Variants in TPST2 observed in about 807,000 individuals in gnomAD.
TPST2 encodes the protein tyrosylprotein sulfotransferase 2.
In TPST2, 16 loss-of-function variants were observed where a neutral mutation model predicts 27.8. The observed-to-expected ratio is 0.58, with a 90% confidence interval of 0.39 to 0.88. TPST2 has a LOEUF of 0.88. Among genes scored for constraint, TPST2 ranks in the 40% least tolerant of loss-of-function variants. The pLI, the probability that TPST2 is intolerant of heterozygous loss-of-function variation, is 0.00. For synonymous variants in TPST2, 229 were observed against 231.7 expected, an observed-to-expected ratio of 0.99 and a Z score of 0.10; for missense variants, 464 against 543.1, an observed-to-expected ratio of 0.85 and a Z score of 1.45.
intron 1 of TPST2, chr22:26,555,389 TGGACA>T: frequency 2.6e-6 from 1 of 385,618 alleles, no homozygotes. Flanking sequence ...GACCTAAAGT[TGGACA>T]GACCCAGGCG....
At chr22:26,561,511 A>C (rs186146231) in intron 1 of TPST2, among the ~76,000 whole-genome samples, 1 of 152,340 alleles carries the variant, frequency 6.6e-6, no homozygotes, top group Admixed American at 6.5e-5. Context: ...TATACGAAAT[A>C]ATTATTCTGT....
intron 4 of TPST2, among the ~76,000 whole-genome samples, chr22:26,534,944 C>T (rs552564009): frequency 1.3e-5 from 2 of 152,146 alleles, no homozygotes; most frequent in African/African-American, 2.4e-5. Context: ...CTGGTATGTA[C>T]GTTGAATCTC....
chr22:26,568,307 G>A (rs573741054), intron 1 of TPST2, among the ~76,000 whole-genome samples: 9 of 152,178 alleles, frequency 5.9e-5, no homozygotes, highest in Admixed American at 1.3e-4. Flanking sequence ...ACCATAACGC[G>A]TGGTTCTGTC....
intron 1 of TPST2, among the ~76,000 whole-genome samples, chr22:26,562,642 G>A (rs1456681867): frequency 1.9e-5 from 2 of 104,576 alleles, no homozygotes; most frequent in African/African-American, 6.9e-5. Context: ...TTTTTTTTTT[G>A]AGACTGACTC....
In TPST2 at chr22:26,582,788, T is replaced by C. The variant is rs1928166557; in HGVS notation, c.-161+7265A>G. On this transcript the variant is annotated intron_variant, in intron 1 of 6. Transcript: ENST00000338754. ...TGGGCAGATGGGCTTTGAGTCCTGGTGCTGAATCTCAGGCCTGTGTGACCT... is the reference window on the plus strand; with the variant it reads ...TGGGCAGATGGGCTTTGAGTCCTGGCGCTGAATCTCAGGCCTGTGTGACCT... 2.0e-5 allele frequency among the ~76,000 whole-genome samples: 3 copies of C among 152,198 alleles called. No individual in the cohort carries two copies. The South Asian group carries it at 6.2e-4, about 31-fold the overall frequency.
intron 1 of TPST2, among the ~76,000 whole-genome samples, chr22:26,557,317 C>G (rs745333741): frequency 6.6e-6 from 1 of 152,232 alleles, no homozygotes; most frequent in Non-Finnish European, 1.5e-5. Context: ...GCATCTACCC[C>G]AGACCCTTGG....
chr22:26,541,771 C>T lies in TPST2; in HGVS notation c.-88-53G>A. On this transcript the variant is annotated intron_variant, in intron 2 of 6. Coordinates refer to ENST00000338754, the MANE Select transcript of TPST2 (RefSeq NM_003595.5). The surrounding 1 kb of genome is among the most constrained non-coding windows in gnomAD (Gnocchi z 5.9). The stretch of plus-strand genomic sequence containing the variant: ...CAGGGAGGTCTGTGAGCTGTGAGCT[C>T]TCCAATAACTGCAAAGCCCTATAAC... The T allele has an allele frequency of 7.1e-7, 1 of 1,410,046 alleles. No homozygotes were observed. Among genetic ancestry groups the T allele is most frequent in the Non-Finnish European group, 9.3e-7 (1 of 1,079,268 alleles). 87.3% of individuals were successfully genotyped at this position (1,410,046 alleles called of 1,614,324 possible). A position where few individuals can be genotyped will look rare whatever the true frequency, so the allele number is the denominator to read the frequency against.
At chr22:26,569,339 G>A (rs1927506836) in intron 1 of TPST2, among the ~76,000 whole-genome samples, 1 of 152,220 alleles carries the variant, frequency 6.6e-6, no homozygotes, top group South Asian at 2.1e-4. Flanking sequence ...GGGGGAGCAA[G>A]GTGTCCTGGG....
chr22:26,587,859 G>A (rs571816575), intron 1 of TPST2, among the ~76,000 whole-genome samples: 1 of 152,236 alleles, frequency 6.6e-6, no homozygotes, highest in East Asian at 1.9e-4. Flanking sequence ...TTGGGAGCCT[G>A]AGGTAGGAGG....
chr22:26,538,366 G>A (rs1186803843), intron 3 of TPST2, among the ~76,000 whole-genome samples: 1 of 152,218 alleles, frequency 6.6e-6, no homozygotes, highest in Non-Finnish European at 1.5e-5. Context: ...TGTGTCTCTA[G>A]GACTTTATGG....
intron 1 of TPST2, among the ~76,000 whole-genome samples, chr22:26,584,295 A>G (rs1228787980): frequency 6.6e-6 from 1 of 152,134 alleles, no homozygotes; most frequent in African/African-American, 2.4e-5. Flanking sequence ...GGAGGAACAG[A>G]GCGAGTAGGG....
chr22:26,532,111 A>G lies in TPST2; in HGVS notation c.1092+584T>C, dbSNP rs200437964. Among the ~76,000 whole-genome samples the G allele has an allele frequency of 4.6e-5, 7 of 152,068 alleles. No homozygotes were observed. The East Asian group carries it at 1.3e-3, about 29-fold the overall frequency. On this transcript the variant is annotated intron_variant, in intron 5 of 6. Coordinates refer to ENST00000338754, the MANE Select transcript of TPST2 (RefSeq NM_003595.5). ...ATCACACCACTGCACTCCAGTCTCA[A>G]CAAGAAAGAAAGCCCAAGAAAAAGT... is the stretch of plus-strand genomic sequence containing the variant.
intron 1 of TPST2, among the ~76,000 whole-genome samples, chr22:26,586,557 T>C (rs1459767228): frequency 1.3e-5 from 2 of 152,200 alleles, no homozygotes; most frequent in African/African-American, 4.8e-5. Flanking sequence ...CCTAGGCTGC[T>C]TTCTTAATGC....
chr22:26,528,074 G>T, intron 6 of TPST2, 140 bp downstream of exon 6: 1 of 874,844 alleles, frequency 1.1e-6, no homozygotes, highest in Non-Finnish European at 1.8e-6. Context: ...GGAAACCTCT[G>T]ATGGGGCTGG....
chr22:26,535,124 G>T (rs1416458753), intron 4 of TPST2, among the ~76,000 whole-genome samples: 2 of 152,192 alleles, frequency 1.3e-5, no homozygotes, highest in East Asian at 3.8e-4. Flanking sequence ...CTAGAGAGGT[G>T]GTAATGACTT....
rs1188014005 is a variant in TPST2, at chr22:26,583,305, T to C, written c.-161+6748A>G. On this transcript the variant is annotated intron_variant, in intron 1 of 6. Coordinates refer to ENST00000338754, the MANE Select transcript of TPST2 (RefSeq NM_003595.5). ...TACAAAAATTAGCTGGGCATGGTAGTAGGCACCTGTAATCCCAGCTACTCA... is the reference window on the plus strand; with the variant it reads ...TACAAAAATTAGCTGGGCATGGTAGCAGGCACCTGTAATCCCAGCTACTCA... 4.0e-5 allele frequency among the ~76,000 whole-genome samples: 6 copies of C among 148,568 alleles called. No individual in the cohort carries two copies. The East Asian group carries it at 1.2e-3, about 30-fold the overall frequency.
chr22:26,586,728 G>A (rs1928361589), intron 1 of TPST2, among the ~76,000 whole-genome samples: 1 of 152,226 alleles, frequency 6.6e-6, no homozygotes, highest in Non-Finnish European at 1.5e-5. Flanking sequence ...GGAACACGCA[G>A]ATAAGTGCTG....
chr22:26,562,461 C>A (rs1927154233), intron 1 of TPST2, among the ~76,000 whole-genome samples: 1 of 152,152 alleles, frequency 6.6e-6, no homozygotes, highest in South Asian at 2.1e-4. Flanking sequence ...CACCTAATTG[C>A]TCAACTCATT....
rs1195005889 is a variant in TPST2 at position 26,522,626 on chromosome 22, A to G, written c.*3649T>C. On this transcript the variant is annotated 3_prime_UTR_variant, in exon 7 of 7. Coordinates refer to ENST00000338754, the MANE Select transcript of TPST2 (RefSeq NM_003595.5). Reference sequence around the variant, plus strand: ...ACTCATACAGTGGCATCAAGAGGTTATATGTGCAGGAGAACGTCCACTGCA... The same window carrying G: ...ACTCATACAGTGGCATCAAGAGGTTGTATGTGCAGGAGAACGTCCACTGCA... 2 of 152,398 alleles carry G rather than the reference A, an allele frequency of 1.3e-5. No homozygotes were observed. The highest frequency in any genetic ancestry group is 4.8e-5 in the African/African-American group (2 of 41,590). 9.4% of individuals were successfully genotyped at this position (152,398 alleles called of 1,614,324 possible).
Sources: allele counts gnomAD v4.1 joint callset (sites outside exome capture counted in the v4.1 genomes callset), GRCh38; gene constraint gnomAD v4.1.1; non-coding constraint Gnocchi (gnomAD v3.1); transcripts MANE v1.5; gene names NCBI Gene and HGNC (gene_info 2026-07-23, HGNC 2026-07-21).